LPCAT3: variants seen among roughly 807,000 people sequenced by gnomAD.
LPCAT3 encodes lysophosphatidylcholine acyltransferase 3.
Under a neutral mutation model 63.4 loss-of-function variants are expected in LPCAT3, and 21 were observed. The observed-to-expected ratio is 0.33, with a 90% CI of 0.23 to 0.48. The LOEUF is 0.48. Ranked by LOEUF, LPCAT3 falls within the 20% of genes least tolerant of loss-of-function variation. The pLI is 0.99. For missense variants in LPCAT3, 451 were observed against 590.6 expected (o/e 0.76, Z 2.45); for synonymous variants, 242 against 227.5 (o/e 1.06, Z -0.58).
intron 1 of LPCAT3, among the ~76,000 whole-genome samples, chr12:7,011,127 C>T (rs1158255571): frequency 3.9e-5 from 6 of 152,212 alleles, no homozygotes; most frequent in South Asian, 4.1e-4. Flanking sequence ...CGGAGGACCC[C>T]GGGCTCCAGT....
rs140882361 is a variant in LPCAT3, at chr12:6,984,426, T to C, written c.152-887A>G. ...GCAGACTCACCTTCAGTGTTCTATC[T>C]AGAGGTCTGGCGGCCATGCCTGGCA... On this transcript the variant is annotated intron_variant, in intron 1 of 12. Coordinates refer to ENST00000261407, the MANE Select transcript of LPCAT3 (RefSeq NM_005768.6). 9.7e-3 allele frequency among the ~76,000 whole-genome samples: 1,480 copies of C among 152,328 alleles called. 22 individuals carry two copies. The highest frequency in any genetic ancestry group is 0.033 in the African/African-American group (1,379 of 41,580).
chr12:7,004,936 T>G (rs1444672007), intron 1 of LPCAT3, among the ~76,000 whole-genome samples: 3 of 152,204 alleles, frequency 2.0e-5, no homozygotes, highest in African/African-American at 7.2e-5. Flanking sequence ...TGATCATGCA[T>G]AGTCCTTCTT....
intron 1 of LPCAT3, among the ~76,000 whole-genome samples, chr12:6,995,017 A>G (rs1002606590): frequency 6.6e-6 from 1 of 152,030 alleles, no homozygotes; most frequent in Non-Finnish European, 1.5e-5. Flanking sequence ...TCAGTTCCAC[A>G]TTTCCTACTT....
intron 1 of LPCAT3, among the ~76,000 whole-genome samples, chr12:6,986,837 G>A (rs374369503): frequency 2.7e-5 from 4 of 150,930 alleles, no homozygotes; most frequent in Admixed American, 2.0e-4. Flanking sequence ...CCTGTCGGCC[G>A]GGTGCGGCAG....
chr12:6,991,149 A>G (rs958699290), intron 1 of LPCAT3, among the ~76,000 whole-genome samples: 6 of 152,224 alleles, frequency 3.9e-5, no homozygotes, highest in Non-Finnish European at 7.3e-5. Context: ...ACTTAATAGA[A>G]GATGACTGGA....
intron 1 of LPCAT3, among the ~76,000 whole-genome samples, chr12:6,985,605 C>T (rs1946516162): frequency 6.6e-6 from 1 of 151,530 alleles, no homozygotes; most frequent in Non-Finnish European, 1.5e-5. Context: ...ATCCCAGCTA[C>T]TCGGGAGGCT....
intron 2 of LPCAT3, 100 bp from the exon 3 acceptor site, chr12:6,982,882 G>A: frequency 5.3e-6 from 4 of 752,372 alleles, no homozygotes; most frequent in Non-Finnish European, 9.1e-6. Flanking sequence ...GTTGGCATCA[G>A]GATCTTTTTT....
At chr12:6,993,314 G>A (rs1555155721) in intron 1 of LPCAT3, among the ~76,000 whole-genome samples, 2 of 151,504 alleles carry the variant, frequency 1.3e-5, no homozygotes, top group African/African-American at 2.4e-5. Flanking sequence ...CCTGCCTGTA[G>A]TCCCAGCTAC....
Position 6,981,431 on chromosome 12 carries a change from T to C in LPCAT3, c.498+164A>G, listed in dbSNP as rs971929678. 5.5e-5 allele frequency: 43 copies of C among 778,758 alleles called. 1 individual carries two copies. In the Admixed American group the frequency reaches 8.5e-4, roughly 15 times the overall value. The allele number at this position is 778,758 out of a possible 1,614,324, so 48.2% of individuals were successfully genotyped here. A position where few individuals can be genotyped will look rare whatever the true frequency, so the allele number is the denominator to read the frequency against. ...TGCAAGAGCTGGATCCTGGGCAAAT[T>C]AGATTTGTTGATCCTTGCTCAGTGC... On this transcript the variant is annotated intron_variant, in intron 5 of 12. Coordinates refer to ENST00000261407, the MANE Select transcript of LPCAT3 (RefSeq NM_005768.6).
chr12:6,978,221 CAG>C (rs782041541), intron 9 of LPCAT3, 118 bp downstream of exon 9: 170 of 1,200,516 alleles, frequency 1.4e-4, no homozygotes, highest in Non-Finnish European at 1.7e-4. Flanking sequence ...GTGTGAGCGA[CAG>C]GGGGTTCTGC....
At chr12:6,992,443 G>A (rs1338804953) in intron 1 of LPCAT3, among the ~76,000 whole-genome samples, 4 of 152,198 alleles carry the variant, frequency 2.6e-5, no homozygotes, top group Non-Finnish European at 5.9e-5. Flanking sequence ...ACAGTTTGGT[G>A]TCACCGTCCT....
chr12:6,977,182 C>T lies in LPCAT3; in HGVS notation c.1428G>A (p.Met476Ile), dbSNP rs1946413615. Residue 476 changes from methionine to isoleucine, a missense_variant, in exon 12 of 13, where the codon ATG (methionine) becomes ATA (isoleucine). Met to Ile is a conservative substitution (Grantham distance 10). Coordinates refer to ENST00000261407, the MANE Select transcript of LPCAT3 (RefSeq NM_005768.6). This position sits in a 1 kb window ranked among gnomAD's most constrained non-coding sequence, Gnocchi z 4.5. ...TCTTTAACTTCTCTTTCCTTGGCAC[C>T]ATTGCTTTGTGAATATAAGGCAATA... ...LFILPYIHKA[M>I]VPRKEKLKKM... is the part of the protein sequence containing the mutation. 6.2e-7 allele frequency: 1 copy of T among 1,613,334 alleles called. No homozygotes were observed.
At chr12:7,000,813 T>C (rs955395729) in intron 1 of LPCAT3, among the ~76,000 whole-genome samples, 14 of 151,430 alleles carry the variant, frequency 9.2e-5, no homozygotes, top group Admixed American at 8.6e-4. Flanking sequence ...TTCACGCCAT[T>C]CTCCTGCCTC....
rs1946472304 is a variant in LPCAT3 at position 6,981,651 on chromosome 12, G to A, written c.461-19C>T. 1.9e-6 allele frequency: 3 copies of A among 1,588,784 alleles called. No homozygotes were observed. The highest frequency in any genetic ancestry group is 1.7e-6 in the Non-Finnish European group (2 of 1,163,914). On this transcript the variant is annotated intron_variant, in intron 4 of 12. Transcript: ENST00000261407. ...GCCAAACCTGAGCAGAGAGAGAACG[G>A]ATGGGTAGGGTGGTGGGAGAGGACA... is the stretch of plus-strand genomic sequence containing the variant.
At chr12:7,014,892 C>CAA (rs375839002) in intron 1 of LPCAT3, among the ~76,000 whole-genome samples, 87 of 57,266 alleles carry the variant, frequency 1.5e-3, no homozygotes, top group Middle Eastern at 0.011. Flanking sequence ...GACTCCGTCT[C>CAA]AAAAAAAAAA....
Position 6,977,856 on chromosome 12 carries a change from A to AG in LPCAT3, c.1041-112_1041-111insC, listed in dbSNP as rs1946425846. ...TGGATTGGAGTGCTGGTGGGTTCCC[A>AG]CGTGTAGCCCCCAGAGGGTACAGGA... is the stretch of plus-strand genomic sequence containing the variant. On this transcript the variant is annotated intron_variant, in intron 9 of 12. Transcript: ENST00000261407. This position sits in a 1 kb window ranked among gnomAD's most constrained non-coding sequence, Gnocchi z 4.5. 3 of 1,290,186 alleles carry AG rather than the reference A, an allele frequency of 2.3e-6. No individual in the cohort carries two copies. The highest frequency in any genetic ancestry group is 3.3e-6 in the Non-Finnish European group (3 of 905,172). 79.9% of individuals were successfully genotyped at this position (1,290,186 alleles called of 1,614,324 possible). A position where few individuals can be genotyped will look rare whatever the true frequency, so the allele number is the denominator to read the frequency against.
chr12:6,981,589 A>C lies in LPCAT3; in HGVS notation c.498+6T>G, dbSNP rs781923959. 4 of 1,613,870 alleles carry C rather than the reference A, an allele frequency of 2.5e-6. No individual in the cohort carries two copies. Among genetic ancestry groups the C allele is most frequent in the Non-Finnish European group, 3.4e-6 (4 of 1,179,754 alleles). On this transcript the variant is annotated splice_donor_region_variant and intron_variant, in intron 5 of 12. Coordinates refer to ENST00000261407, the MANE Select transcript of LPCAT3 (RefSeq NM_005768.6). ...TGAACCTCTCTGCCGATGAATGGGT[A>C]CTTACCTGATCTTTCCCTCCGTCAA...
chr12:7,003,897 C>G (rs1555156707), intron 1 of LPCAT3, among the ~76,000 whole-genome samples: 2 of 147,688 alleles, frequency 1.4e-5, no homozygotes, highest in Non-Finnish European at 3.0e-5. Flanking sequence ...AGTCCGCAGT[C>G]CGGCCTGGGC....
chr12:7,006,399 A>C (rs1408517617), intron 1 of LPCAT3, among the ~76,000 whole-genome samples: 1 of 152,168 alleles, frequency 6.6e-6, no homozygotes, highest in Non-Finnish European at 1.5e-5. Context: ...TTGTATTTTT[A>C]GTAGAGATGG....
Sources: gnomAD v4.1 joint callset for allele counts (sites outside exome capture counted in the v4.1 genomes callset) on GRCh38, gnomAD v4.1.1 for gene constraint, Gnocchi (gnomAD v3.1) non-coding constraint, MANE v1.5 for transcripts, NCBI Gene and HGNC (gene_info 2026-07-23, HGNC 2026-07-21) for gene names.